Variants in BRINP3 observed in about 807,000 individuals in gnomAD.
BRINP3 encodes BMP/retinoic acid inducible neural specific 3.
A neutral mutation model predicts 71.0 loss-of-function variants in BRINP3; 19 were observed. The observed-to-expected ratio is 0.27, with a 90% CI of 0.19 to 0.39. The LOEUF (loss-of-function observed/expected upper bound fraction) is 0.39, where lower values mean the gene tolerates loss of function less well. BRINP3 is among the 10% of genes least tolerant of loss of function. BRINP3 has a pLI of 1.00. For synonymous variants in BRINP3, 380 were observed against 337.7 expected, an observed-to-expected ratio of 1.13 and a Z score of -1.37; for missense variants, 959 against 940.8, an observed-to-expected ratio of 1.02 and a Z score of -0.25.
intron 1 of BRINP3, among the ~76,000 whole-genome samples, chr1:190,458,131 T>G (rs903915254): frequency 2.6e-5 from 4 of 152,036 alleles, no homozygotes; most frequent in African/African-American, 9.7e-5. Flanking sequence ...AATTCGGGGG[T>G]TTAATTATTT....
At chr1:190,279,521 A>G (rs1428201198) in intron 3 of BRINP3, among the ~76,000 whole-genome samples, 2 of 151,914 alleles carry the variant, frequency 1.3e-5, no homozygotes, top group Non-Finnish European at 2.9e-5. Context: ...TTCAACAAGG[A>G]TATGGCTGAT....
At chr1:190,459,904 T>C (rs1246352935) in intron 1 of BRINP3, among the ~76,000 whole-genome samples, 4 of 151,800 alleles carry the variant, frequency 2.6e-5, no homozygotes, top group Admixed American at 6.6e-5. Context: ...TTTTGTTTTC[T>C]TTTTTTTCTA....
At chr1:190,128,040 T>C (rs1430895269) in intron 7 of BRINP3, among the ~76,000 whole-genome samples, 1 of 151,802 alleles carries the variant, frequency 6.6e-6, no homozygotes, top group Non-Finnish European at 1.5e-5. Context: ...GTAATTAGTA[T>C]CATGTCTCCA....
intron 2 of BRINP3, among the ~76,000 whole-genome samples, chr1:190,441,047 T>C (rs1412603143): frequency 6.6e-6 from 1 of 151,830 alleles, no homozygotes; most frequent in African/African-American, 2.4e-5. Context: ...ACTGCTAAAC[T>C]AATAGAGCAA....
At chr1:190,442,773 CT>C (rs1422987148) in intron 2 of BRINP3, among the ~76,000 whole-genome samples, 2 of 141,142 alleles carry the variant, frequency 1.4e-5, no homozygotes, top group African/African-American at 5.3e-5. Flanking sequence ...TGTGTGGTTA[CT>C]TTGTGTGTAT....
At chr1:190,338,606 A>G (rs578055833) in intron 2 of BRINP3, among the ~76,000 whole-genome samples, 1 of 152,182 alleles carries the variant, frequency 6.6e-6, no homozygotes. Context: ...TGTTAAACGG[A>G]AATACACTGA....
intron 2 of BRINP3, among the ~76,000 whole-genome samples, chr1:190,399,707 C>G (rs1180961296): frequency 2.6e-5 from 4 of 151,946 alleles, no homozygotes; most frequent in South Asian, 2.1e-4. Flanking sequence ...TTAAAAGTCT[C>G]TCTTACTGTA....
At chr1:190,311,625 T>C (rs937127183) in intron 2 of BRINP3, among the ~76,000 whole-genome samples, 1 of 151,582 alleles carries the variant, frequency 6.6e-6, no homozygotes, top group Non-Finnish European at 1.5e-5. Context: ...TTTAATGTTA[T>C]CTTCAGTTAA....
chr1:190,373,367 G>T (rs1447505606), intron 2 of BRINP3, among the ~76,000 whole-genome samples: 3 of 151,730 alleles, frequency 2.0e-5, no homozygotes, highest in Admixed American at 2.0e-4. Context: ...TCCAGCCTGG[G>T]CAACAGAGTG....
intron 6 of BRINP3, among the ~76,000 whole-genome samples, chr1:190,161,207 C>T (rs548602347): frequency 7.2e-5 from 11 of 152,022 alleles, no homozygotes; most frequent in East Asian, 1.9e-4. Flanking sequence ...TTCTTTTAAA[C>T]GTCTTTCAGT....
At chr1:190,255,251 T>TG (rs1660555787) in intron 4 of BRINP3, among the ~76,000 whole-genome samples, 1 of 150,806 alleles carries the variant, frequency 6.6e-6, no homozygotes, top group Admixed American at 6.6e-5. Context: ...TTTTTTTTTT[T>TG]GTTGTGTCTC....
intron 1 of BRINP3, among the ~76,000 whole-genome samples, chr1:190,469,047 C>T (rs1571397226): frequency 1.3e-5 from 2 of 150,928 alleles, no homozygotes; most frequent in African/African-American, 4.8e-5. Context: ...CTGATAAGCA[C>T]AGATTTCTTC....
intron 2 of BRINP3, among the ~76,000 whole-genome samples, chr1:190,353,414 T>C (rs1368528154): frequency 6.6e-6 from 1 of 152,072 alleles, no homozygotes; most frequent in Non-Finnish European, 1.5e-5. Flanking sequence ...GCTAGAAGTA[T>C]GTCAGCAGCA....
intron 3 of BRINP3, among the ~76,000 whole-genome samples, chr1:190,268,465 A>C (rs540097077): frequency 2.6e-5 from 4 of 152,264 alleles, no homozygotes; most frequent in Admixed American, 2.6e-4. Context: ...CTTAATGGGG[A>C]AACACAGGAG....
intron 2 of BRINP3, among the ~76,000 whole-genome samples, chr1:190,375,845 A>C (rs1670151326): frequency 6.6e-6 from 1 of 152,028 alleles, no homozygotes; most frequent in Non-Finnish European, 1.5e-5. Context: ...TGAGGACATA[A>C]AAATAAATAT....
intron 2 of BRINP3, among the ~76,000 whole-genome samples, chr1:190,412,958 A>G (rs1008497439): frequency 2.6e-5 from 4 of 152,200 alleles, no homozygotes; most frequent in African/African-American, 9.7e-5. Context: ...AGCATATTCA[A>G]TTTTACTGAT....
Position 190,234,495 on chromosome 1 carries a change from A to G in BRINP3, c.619-18T>C, listed in dbSNP as rs1400307048. 1 of 1,564,680 alleles carries G rather than the reference A, an allele frequency of 6.4e-7. No individual in the cohort carries two copies. Among genetic ancestry groups the G allele is most frequent in the Non-Finnish European group, 8.8e-7 (1 of 1,136,036 alleles). On this transcript the variant is annotated intron_variant, in intron 4 of 7. Transcript: ENST00000367462. ...TCTGTTACCTGGCAAACAAAACATC[A>G]ACTTTATTATCTAAATCAGACTTTA...
chr1:190,175,735 CTATG>C (rs1033487122), intron 6 of BRINP3, among the ~76,000 whole-genome samples: 1 of 152,204 alleles, frequency 6.6e-6, no homozygotes, highest in African/African-American at 2.4e-5. Flanking sequence ...TCCTATCTAT[CTATG>C]TATCACCTAT....
intron 2 of BRINP3, among the ~76,000 whole-genome samples, chr1:190,300,908 C>T (rs1257348756): frequency 6.6e-5 from 10 of 151,952 alleles, no homozygotes; most frequent in East Asian, 1.9e-4. Context: ...TCACCAGCAA[C>T]GAAACAAAGC....
Sources: gnomAD v4.1 joint callset for allele counts (sites outside exome capture counted in the v4.1 genomes callset) on GRCh38, gnomAD v4.1.1 for gene constraint, MANE v1.5 for transcripts, NCBI Gene and HGNC (gene_info 2026-07-23, HGNC 2026-07-21) for gene names.